The following GRID2 variants were observed in gnomAD, a reference collection of about 807,000 sequenced individuals.
GRID2 encodes the protein glutamate receptor ionotropic, delta-2.
In GRID2, 33 loss-of-function variants were observed where a neutral mutation model predicts 114.8. That is an observed-to-expected ratio of 0.29 (90% CI 0.22 to 0.38). GRID2 has a LOEUF of 0.38. Ranked by LOEUF, GRID2 falls within the 10% of genes least tolerant of loss-of-function variation. The pLI is 1.00. For missense variants in GRID2, 1,184 were observed against 1,257.7 expected (o/e 0.94, Z 0.89); for synonymous variants, 505 against 449.9 (o/e 1.12, Z -1.55).
At chr4:92,492,760 C>G (rs1723201498) in intron 1 of GRID2, among the ~76,000 whole-genome samples, 1 of 151,840 alleles carries the variant, frequency 6.6e-6, no homozygotes, top group Admixed American at 6.6e-5. Flanking sequence ...CTGAAATCCA[C>G]CAAAAAAATT....
chr4:93,077,230 A>G (rs576854870), intron 2 of GRID2, among the ~76,000 whole-genome samples: 171 of 152,320 alleles, frequency 1.1e-3, no homozygotes, highest in Non-Finnish European at 1.7e-3. Flanking sequence ...CCAAGTTGAG[A>G]TGGAGGAGCA....
chr4:92,783,114 A>G (rs893896368), intron 2 of GRID2, among the ~76,000 whole-genome samples: 58 of 152,184 alleles, frequency 3.8e-4, no homozygotes, highest in African/African-American at 1.2e-3. Context: ...AAATAGCTTG[A>G]GATATGTTAT....
chr4:92,895,988 A>G (rs979911996), intron 2 of GRID2, among the ~76,000 whole-genome samples: 2 of 152,208 alleles, frequency 1.3e-5, no homozygotes, highest in South Asian at 2.1e-4. Flanking sequence ...AAAATGAAAC[A>G]GTTTAGTTCA....
intron 1 of GRID2, among the ~76,000 whole-genome samples, chr4:92,437,332 T>G (rs1332677825): frequency 6.6e-6 from 1 of 152,192 alleles, no homozygotes; most frequent in African/African-American, 2.4e-5. Context: ...CAGCCTGGAG[T>G]GCAGTGGCAC....
At chr4:93,715,242 G>C (rs1405697678) in intron 14 of GRID2, among the ~76,000 whole-genome samples, 1 of 152,084 alleles carries the variant, frequency 6.6e-6, no homozygotes. Flanking sequence ...GATGGTTGTA[G>C]GAGTGCAGTC....
chr4:92,950,790 C>T (rs1175106550), intron 2 of GRID2, among the ~76,000 whole-genome samples: 1 of 152,100 alleles, frequency 6.6e-6, no homozygotes, highest in Non-Finnish European at 1.5e-5. Flanking sequence ...GTAGTGTGTA[C>T]TAGAAAAGTA....
chr4:92,897,546 C>A (rs894846312), intron 2 of GRID2, among the ~76,000 whole-genome samples: 1 of 152,210 alleles, frequency 6.6e-6, no homozygotes, highest in Non-Finnish European at 1.5e-5. Flanking sequence ...GCAGGACTTA[C>A]ACGTGGGTGC....
chr4:93,664,303 G>A (rs1723762905), intron 14 of GRID2, among the ~76,000 whole-genome samples: 1 of 152,222 alleles, frequency 6.6e-6, no homozygotes, highest in Non-Finnish European at 1.5e-5. Context: ...GCTTTAGAGT[G>A]AGTAGGAAGG....
At chr4:93,552,326 G>A (rs1733842941) in intron 13 of GRID2, among the ~76,000 whole-genome samples, 1 of 152,092 alleles carries the variant, frequency 6.6e-6, no homozygotes, top group Admixed American at 6.6e-5. Context: ...TGTGAATCGT[G>A]CTGCAATAAA....
At chr4:93,548,320 C>T (rs1733425235) in intron 13 of GRID2, among the ~76,000 whole-genome samples, 1 of 152,144 alleles carries the variant, frequency 6.6e-6, no homozygotes, top group Non-Finnish European at 1.5e-5. Context: ...ACAAGAAGTA[C>T]ATACTAGAAA....
At chr4:93,037,095 GTTT>G (rs1257029004) in intron 2 of GRID2, among the ~76,000 whole-genome samples, 1 of 152,068 alleles carries the variant, frequency 6.6e-6, no homozygotes, top group African/African-American at 2.4e-5. Context: ...CACTCAAATT[GTTT>G]TTATTTTACT....
At chr4:93,678,568 C>T (rs1250223090) in intron 14 of GRID2, among the ~76,000 whole-genome samples, 1 of 152,126 alleles carries the variant, frequency 6.6e-6, no homozygotes, top group African/African-American at 2.4e-5. Context: ...ATCAGACTAA[C>T]AGCAGATCTC....
chr4:92,929,437 TGTAA>T (rs1750063722), intron 2 of GRID2, among the ~76,000 whole-genome samples: 1 of 151,344 alleles, frequency 6.6e-6, no homozygotes, highest in Non-Finnish European at 1.5e-5. Context: ...TTATAACAAG[TGTAA>T]GTAATTTTTC....
At chr4:92,919,260 T>C (rs991346112) in intron 2 of GRID2, among the ~76,000 whole-genome samples, 2 of 152,160 alleles carry the variant, frequency 1.3e-5, no homozygotes, top group Non-Finnish European at 2.9e-5. Flanking sequence ...TTATTAGTCT[T>C]GGTAGCTGTC....
At chr4:93,079,494 G>C (rs1729657638) in intron 2 of GRID2, among the ~76,000 whole-genome samples, 1 of 151,604 alleles carries the variant, frequency 6.6e-6, no homozygotes, top group Admixed American at 6.6e-5. Context: ...GGGCCTTTCT[G>C]TTTAAAAACA....
At chr4:92,872,851 C>A (rs1745371318) in intron 2 of GRID2, among the ~76,000 whole-genome samples, 1 of 152,150 alleles carries the variant, frequency 6.6e-6, no homozygotes, top group African/African-American at 2.4e-5. Flanking sequence ...TGCCTAAGGG[C>A]AGGATTTATG....
chr4:92,537,152 A>C (rs116025476), intron 1 of GRID2, among the ~76,000 whole-genome samples: 4,363 of 152,270 alleles, frequency 0.029, 214 homozygotes, highest in African/African-American at 0.098. Context: ...AATATTTTAC[A>C]ACTTTTTTCT....
chr4:92,680,917 T>A (rs1733618446), intron 2 of GRID2, among the ~76,000 whole-genome samples: 1 of 152,164 alleles, frequency 6.6e-6, no homozygotes, highest in Admixed American at 6.5e-5. Flanking sequence ...AATCTGAAGG[T>A]AACTGTCCAA....
At chr4:93,508,688 T>G (rs1728884942) in intron 12 of GRID2, among the ~76,000 whole-genome samples, 1 of 152,240 alleles carries the variant, frequency 6.6e-6, no homozygotes, top group South Asian at 2.1e-4. Context: ...GCTGACTGTT[T>G]TCCAGACCCT....
Sources: gnomAD v4.1 joint callset for allele counts (sites outside exome capture counted in the v4.1 genomes callset) on GRCh38, gnomAD v4.1.1 for gene constraint, MANE v1.5 for transcripts, NCBI Gene and HGNC (gene_info 2026-07-23, HGNC 2026-07-21) for gene names.